Variants in C1QTNF12 observed in about 807,000 individuals in gnomAD.
The protein encoded by C1QTNF12 is C1q and TNF related 12, also known as adipolin.
C1QTNF12 carries 39 observed loss-of-function variants against 34.3 expected under a neutral mutation model. The observed-to-expected ratio is 1.14, with a 90% CI of 0.88 to 1.49. C1QTNF12 has a LOEUF of 1.49. C1QTNF12 is among the 40% of genes most tolerant of loss of function. The pLI, the probability that C1QTNF12 is intolerant of heterozygous loss-of-function variation, is 0.00. For missense variants in C1QTNF12, 497 were observed against 424.7 expected, an observed-to-expected ratio of 1.17 and a Z score of -1.50; for synonymous variants, 220 against 196.9, an observed-to-expected ratio of 1.12 and a Z score of -0.98.
intron 1 of C1QTNF12, among the ~76,000 whole-genome samples, chr1:1,245,493 C>T (rs945649634): frequency 3.3e-5 from 5 of 151,206 alleles, no homozygotes; most frequent in African/African-American, 4.9e-5. Flanking sequence ...GCCCTCCAGC[C>T]GGCACCCTTT....
At position 1,243,966 on chromosome 1, in the gene C1QTNF12, A is replaced by C. The variant is rs1457516277; in HGVS notation, c.519T>G (p.His173Gln). The change falls in exon 4 of 8, where the codon CAT becomes CAG. Residue 173 changes from histidine to glutamine, a missense_variant. His to Gln is a conservative substitution (Grantham distance 24). Transcript: ENST00000330388. ...RVDKRTLVEL[H>Q]GFQAPAAQGA... ...CGGCTCCACTCACAGCCTGGAAACCATGCAGCTCCACCAGCGTCCGCTTGT... is the reference window on the plus strand; with the variant it reads ...CGGCTCCACTCACAGCCTGGAAACCCTGCAGCTCCACCAGCGTCCGCTTGT... The C allele has an allele frequency of 6.2e-7, 1 of 1,609,082 alleles. No homozygotes were observed. The highest frequency in any genetic ancestry group is 8.5e-7 in the Non-Finnish European group (1 of 1,178,502).
In C1QTNF12 at chr1:1,242,662, G is replaced by A; in HGVS notation, c.811-16C>T. 1.3e-6 allele frequency: 2 copies of A among 1,581,754 alleles called. No homozygotes were observed. Among genetic ancestry groups the A allele is most frequent in the East Asian group, 2.3e-5 (1 of 42,998 alleles). ...ACTGTCCAGCCTGTAAGAAGCACGG[G>A]GACGTCACAACCGCAGCCACAGCCC... On this transcript the variant is annotated splice_polypyrimidine_tract_variant and intron_variant, in intron 7 of 7. Coordinates refer to ENST00000330388, the MANE Select transcript of C1QTNF12 (RefSeq NM_001014980.3).
In C1QTNF12 at chr1:1,246,395, C is replaced by T. The variant is rs1032524052; in HGVS notation, c.177+119G>A. On this transcript the variant is annotated intron_variant, in intron 1 of 7. Transcript: ENST00000330388. This position sits in a 1 kb window ranked among gnomAD's most constrained non-coding sequence, Gnocchi z 4.5. Reference sequence around the variant, plus strand: ...CTCAAGGCGGGACCGTGGCCGAGGCCTCGAAAAGGGCGACCCGGAGGCAGA... The same window carrying T: ...CTCAAGGCGGGACCGTGGCCGAGGCTTCGAAAAGGGCGACCCGGAGGCAGA... 1 of 922,182 alleles carries T rather than the reference C, an allele frequency of 1.1e-6. No homozygotes were observed. Among genetic ancestry groups the T allele is most frequent in the Non-Finnish European group, 1.4e-6 (1 of 707,102 alleles). 57.1% of individuals were successfully genotyped at this position (922,182 alleles called of 1,614,324 possible). A position where few individuals can be genotyped will look rare whatever the true frequency, so the allele number is the denominator to read the frequency against.
At chr1:1,244,324 G>A in intron 2 of C1QTNF12, 49 bp from the exon 3 acceptor site, 1 of 1,591,614 alleles carries the variant, frequency 6.3e-7, no homozygotes, top group Non-Finnish European at 8.6e-7. Flanking sequence ...CCCGGTGGGA[G>A]CTACCACCAC....
At position 1,244,512 on chromosome 1, in the gene C1QTNF12, C is replaced by T. The variant is rs766700011; in HGVS notation, c.178-15G>A. 2.1e-5 allele frequency: 33 copies of T among 1,580,684 alleles called. No individual in the cohort carries two copies. Among genetic ancestry groups the T allele is most frequent in the Middle Eastern group, 1.7e-4 (1 of 5,894 alleles). On this transcript the variant is annotated splice_polypyrimidine_tract_variant and intron_variant, in intron 1 of 7. Transcript: ENST00000330388. The stretch of plus-strand genomic sequence containing the variant: ...GCCTGGGATGGCTGAAGGGACGGGA[C>T]GGGGCTAGCGCACTGAGGCTGCACC...
rs958172284 is a variant in C1QTNF12, at chr1:1,246,109, G to A, written c.177+405C>T. On this transcript the variant is annotated intron_variant, in intron 1 of 7. Coordinates refer to ENST00000330388, the MANE Select transcript of C1QTNF12 (RefSeq NM_001014980.3). This position sits in a 1 kb window ranked among gnomAD's most constrained non-coding sequence, Gnocchi z 4.5. ...GCGTCTCCAGCCGCAGGAGTCATGG[G>A]GCGCTGGACTCCCAAGGGGTCTGGT... 1.6e-4 allele frequency among the ~76,000 whole-genome samples: 25 copies of A among 152,294 alleles called. No individual in the cohort carries two copies. The highest frequency in any genetic ancestry group is 1.6e-3 in the Admixed American group (24 of 15,308).
upstream of C1QTNF12, chr1:1,246,841 G>C: frequency 2.0e-6 from 1 of 501,158 alleles, no homozygotes; most frequent in Non-Finnish European, 2.9e-6. The surrounding 1 kb of genome is among the most constrained non-coding windows in gnomAD (Gnocchi z 4.5). Context: ...TGCCCGGAAC[G>C]GCGGCGCGAC....
rs1638894827 is a variant in C1QTNF12 at position 1,246,505 on chromosome 1, G to T, written c.177+9C>A. On this transcript the variant is annotated intron_variant, in intron 1 of 7. Transcript: ENST00000330388. This position sits in a 1 kb window ranked among gnomAD's most constrained non-coding sequence, Gnocchi z 4.5. The stretch of plus-strand genomic sequence containing the variant: ...CCCGCGAGGGCCCACGTGCGTCCCG[G>T]CCGCGTACCTTGGGGGCCTCGGGCA... 7 of 1,231,878 alleles carry T rather than the reference G, an allele frequency of 5.7e-6. No homozygotes were observed. The highest frequency in any genetic ancestry group is 3.1e-4 in the Middle Eastern group (1 of 3,210). 76.3% of individuals were successfully genotyped at this position (1,231,878 alleles called of 1,614,324 possible).
Position 1,246,526 on chromosome 1 carries a change from G to A in C1QTNF12, c.165C>T (p.Pro55=), listed in dbSNP as rs1199239896. The change falls in exon 1 of 8, where the codon CCC becomes CCT. Residue 55 remains proline (P), a synonymous_variant. Coordinates refer to ENST00000330388, the MANE Select transcript of C1QTNF12 (RefSeq NM_001014980.3). The surrounding 1 kb of genome is among the most constrained non-coding windows in gnomAD (Gnocchi z 4.5). The part of the protein sequence containing the change: ...TASASSREGL[P]EAPKPSQASG... Reference sequence around the variant, plus strand: ...CCCGGCCGCGTACCTTGGGGGCCTCGGGCAGCCCCTCGCGGGAGGACGCGC... The same window carrying A: ...CCCGGCCGCGTACCTTGGGGGCCTCAGGCAGCCCCTCGCGGGAGGACGCGC... 2.4e-6 allele frequency: 3 copies of A among 1,233,618 alleles called. No homozygotes were observed. Among genetic ancestry groups the A allele is most frequent in the Admixed American group, 8.5e-5 (2 of 23,648 alleles). The allele number at this position is 1,233,618 out of a possible 1,614,324, so 76.4% of individuals were successfully genotyped here.
rs1397555192 is a variant in C1QTNF12, at chr1:1,244,491, G to A, written c.184C>T (p.Gln62Ter). Residue 62 changes from glutamine (Q) to a stop codon, truncating the protein, a stop_gained, in exon 2 of 8, where the codon CAG becomes TAG. Coordinates refer to ENST00000330388, the MANE Select transcript of C1QTNF12 (RefSeq NM_001014980.3). LOFTEE classifies it high-confidence loss of function. Reference sequence around the variant, plus strand: ...TCGGAGAACTCAGGTCCTGAGGCCTGGGATGGCTGAAGGGACGGGACGGGG... The same window carrying A: ...TCGGAGAACTCAGGTCCTGAGGCCTAGGATGGCTGAAGGGACGGGACGGGG... ...EGLPEAPKPSQASGPEFSDAH... is the reference protein window; with the variant it reads ...EGLPEAPKPS The A allele has an allele frequency of 1.9e-6, 3 of 1,610,468 alleles. No homozygotes were observed. In the Admixed American group the frequency reaches 5.0e-5, roughly 27 times the overall value.
intron 1 of C1QTNF12, among the ~76,000 whole-genome samples, chr1:1,245,371 C>A (rs1012766908): frequency 1.4e-5 from 2 of 142,614 alleles, no homozygotes; most frequent in South Asian, 2.4e-4. Flanking sequence ...CCTGGAGGGG[C>A]CTGTACCTCA....
At chr1:1,244,523 C>T (rs1570512492) in intron 1 of C1QTNF12, 26 bp from the exon 2 acceptor site, 1 of 1,539,294 alleles carries the variant, frequency 6.5e-7, no homozygotes, top group East Asian at 2.3e-5. Context: ...GGGGCTAGCG[C>T]ACTGAGGCTG....
chr1:1,243,574 C>T (rs1357328796), intron 4 of C1QTNF12, 22 bp from the exon 5 acceptor site: 12 of 1,537,544 alleles, frequency 7.8e-6, no homozygotes, highest in East Asian at 4.9e-5. Flanking sequence ...AGTGGGTGAG[C>T]GGCCAGCGCA....
Position 1,246,023 on chromosome 1 carries a change from C to T in C1QTNF12, c.177+491G>A, listed in dbSNP as rs546170135. ...CTGACTGGGGCCCCAGGACTTAACC[C>T]GCAAGAGGGGGTGCTAGCTACACAG... On this transcript the variant is annotated intron_variant, in intron 1 of 7. Transcript: ENST00000330388. The surrounding 1 kb of genome is among the most constrained non-coding windows in gnomAD (Gnocchi z 4.5). Among the ~76,000 whole-genome samples, 763 of 152,078 alleles carry T rather than the reference C, an allele frequency of 5.0e-3. 7 individuals are homozygous for T. The highest frequency in any genetic ancestry group is 0.017 in the African/African-American group (724 of 41,480).
At position 1,244,098 on chromosome 1, in the gene C1QTNF12, C is replaced by T. The variant is rs550710464; in HGVS notation, c.387G>A (p.Thr129=). The change falls in exon 4 of 8, where the codon ACG becomes ACA. Residue 129 remains threonine (T), a synonymous_variant. Transcript: ENST00000330388. The part of the protein sequence containing the change: ...HEFQELLKEA[T]ERRFSGLLDP... ...CCAGAAGCCCTGAGAACCGGCGCTC[C>T]GTGGCCTCTGTGGGGAGGAGGGCAC... is the stretch of plus-strand genomic sequence containing the variant. 21 of 1,581,472 alleles carry T rather than the reference C, an allele frequency of 1.3e-5. No individual in the cohort carries two copies. The highest frequency in any genetic ancestry group is 4.0e-5 in the African/African-American group (3 of 74,106).
rs374005061 is a variant in C1QTNF12, at chr1:1,242,649, G to A, written c.811-3C>T. 6.3e-7 allele frequency: 1 copy of A among 1,589,176 alleles called. No individual in the cohort carries two copies. Among genetic ancestry groups the A allele is most frequent in the Non-Finnish European group, 8.6e-7 (1 of 1,168,260 alleles). ...AACACAGAAGCGTACTGTCCAGCCT[G>A]TAAGAAGCACGGGGACGTCACAACC... is the stretch of plus-strand genomic sequence containing the variant. On this transcript the variant is annotated splice_polypyrimidine_tract_variant and splice_region_variant and intron_variant, in intron 7 of 7. Transcript: ENST00000330388.
chr1:1,243,834 A>AGCCCC, intron 4 of C1QTNF12, 120 bp downstream of exon 4: 1 of 1,120,860 alleles, frequency 8.9e-7, no homozygotes, highest in Non-Finnish European at 1.3e-6. Flanking sequence ...TCGCCCTCCG[A>AGCCCC]GCCCCGCCCC....
In C1QTNF12 at chr1:1,245,359, G is replaced by A. The variant is rs566605957; in HGVS notation, c.178-862C>T. ...CCGCAATGTGCTGAAGGGACCCGGCGCCCTGGAGGGGCCTGTACCTCAGCC... is the reference window on the plus strand; with the variant it reads ...CCGCAATGTGCTGAAGGGACCCGGCACCCTGGAGGGGCCTGTACCTCAGCC... On this transcript the variant is annotated intron_variant, in intron 1 of 7. Transcript: ENST00000330388. 1.1e-3 allele frequency among the ~76,000 whole-genome samples: 151 copies of A among 137,990 alleles called. 1 individual carries two copies. The Middle Eastern group carries it at 0.014, about 13-fold the overall frequency. The allele number at this position is 137,990 out of a possible 152,430, so 90.5% of individuals were successfully genotyped here.
At chr1:1,245,877 G>A (rs1020434103) in intron 1 of C1QTNF12, among the ~76,000 whole-genome samples, 1 of 152,208 alleles carries the variant, frequency 6.6e-6, no homozygotes, top group Non-Finnish European at 1.5e-5. Context: ...CCAGTCCTGG[G>A]GCCCACGACG....
Sources: allele counts gnomAD v4.1 joint callset (sites outside exome capture counted in the v4.1 genomes callset), GRCh38; gene constraint gnomAD v4.1.1; non-coding constraint Gnocchi (gnomAD v3.1); transcripts MANE v1.5; gene names NCBI Gene and HGNC (gene_info 2026-07-23, HGNC 2026-07-21).